RIC3: variants seen among roughly 807,000 people sequenced by gnomAD.
The protein encoded by RIC3 is RIC3 acetylcholine receptor chaperone.
In RIC3, 28 loss-of-function variants were observed where a neutral mutation model predicts 27.3. The observed-to-expected ratio is 1.02, with a 90% CI of 0.76 to 1.41. The LOEUF is 1.41. RIC3 is among the 40% of genes most tolerant of loss of function. RIC3 has a pLI of 0.00. For missense variants in RIC3, 501 were observed against 444.7 expected, an observed-to-expected ratio of 1.13 and a Z score of -1.14; for synonymous variants, 184 against 160.4, an observed-to-expected ratio of 1.15 and a Z score of -1.11.
At chr11:8,149,024 CAAA>C (rs34536745) in intron 1 of RIC3, among the ~76,000 whole-genome samples, 1 of 96,158 alleles carries the variant, frequency 1.0e-5, no homozygotes, top group Non-Finnish European at 2.2e-5. Context: ...ACTAAAAATA[CAAA>C]AAAAAAAAAA....
chr11:8,137,501 T>A, intron 3 of RIC3, 30 bp from the exon 4 acceptor site: 1 of 1,588,900 alleles, frequency 6.3e-7, no homozygotes, highest in South Asian at 1.1e-5. Flanking sequence ...CTAAGAACCA[T>A]CAGAGACAAC....
chr11:8,168,109 T>C (rs145374070), intron 1 of RIC3, among the ~76,000 whole-genome samples: 1 of 152,340 alleles, frequency 6.6e-6, no homozygotes, highest in African/African-American at 2.4e-5. Context: ...AAGTTACCAG[T>C]AGAACTTCAT....
At chr11:8,099,867 TGAA>T in the RIC3 span, among the ~76,000 whole-genome samples, 2 of 152,112 alleles carry the variant, frequency 1.3e-5, no homozygotes, top group Non-Finnish European at 1.5e-5. Flanking sequence ...ATGCCTGGCA[TGAA>T]GAAGGAATGG....
chr11:8,152,564 T>C (rs1231650433), intron 1 of RIC3, among the ~76,000 whole-genome samples: 1 of 152,162 alleles, frequency 6.6e-6, no homozygotes, highest in Non-Finnish European at 1.5e-5. Context: ...AGCTGGGGTT[T>C]GGAGGGGTGC....
intron 4 of RIC3, among the ~76,000 whole-genome samples, chr11:8,129,861 G>A (rs878982398): frequency 6.6e-6 from 1 of 152,108 alleles, no homozygotes; most frequent in Admixed American, 6.5e-5. Flanking sequence ...TTCCAAACCT[G>A]AGCCCTTTGC....
At chr11:8,156,046 C>T (rs1950625112) in intron 1 of RIC3, among the ~76,000 whole-genome samples, 1 of 152,208 alleles carries the variant, frequency 6.6e-6, no homozygotes. Flanking sequence ...CTTTTATCAA[C>T]CTCTCCATTC....
chr11:8,095,443 C>G, the RIC3 span: 1 of 1,546,802 alleles, frequency 6.5e-7, no homozygotes. Context: ...GTCTGAGAAT[C>G]CAGGCCCTCC....
downstream of RIC3, chr11:8,101,477 TG>T (rs757715389): frequency 4.3e-6 from 7 of 1,614,162 alleles, no homozygotes; most frequent in South Asian, 7.7e-5. Flanking sequence ...TGCCTGTGCT[TG>T]GCCCCAGCGG....
the RIC3 span, chr11:8,097,894 G>C: frequency 4.9e-6 from 6 of 1,232,820 alleles, no homozygotes; most frequent in Non-Finnish European, 7.1e-6. Flanking sequence ...GTCTGTAGAG[G>C]GCCTGAATCT....
At chr11:8,142,064 G>A (rs1342327268) in intron 1 of RIC3, among the ~76,000 whole-genome samples, 13 of 149,842 alleles carry the variant, frequency 8.7e-5, no homozygotes, top group East Asian at 2.0e-4. Context: ...AATGCCCACA[G>A]GAGAAAGCAG....
downstream of RIC3, chr11:8,104,699 C>T (rs1944461887): frequency 6.6e-6 from 1 of 152,156 alleles, no homozygotes; most frequent in African/African-American, 2.4e-5. Flanking sequence ...CTCTGCATTG[C>T]CTGAAAAAAC....
At chr11:8,123,831 G>C (rs1488239016) in intron 5 of RIC3, among the ~76,000 whole-genome samples, 3 of 151,680 alleles carry the variant, frequency 2.0e-5, no homozygotes, top group African/African-American at 7.3e-5. Flanking sequence ...TTAAGAGCAG[G>C]AGTTCAAGAC....
At chr11:8,098,718 G>C in the RIC3 span, 1 of 1,459,878 alleles carries the variant, frequency 6.8e-7, no homozygotes, top group African/African-American at 1.4e-5. Flanking sequence ...CTCTGGGGCA[G>C]AGGGTGCATG....
rs1177448703 is a variant in RIC3 at position 8,128,750 on chromosome 11, C to CTTTT, written c.522-1947_522-1944dup. Among the ~76,000 whole-genome samples, 102 of 88,502 alleles carry CTTTT rather than the reference C, an allele frequency of 1.2e-3. 1 individual carries two copies. The highest frequency in any genetic ancestry group is 1.6e-3 in the African/African-American group (34 of 21,804). 58.1% of individuals were successfully genotyped at this position (88,502 alleles called of 152,430 possible). On this transcript the variant is annotated intron_variant, in intron 4 of 5. Transcript: ENST00000309737. ...ATCATTTTATGAAAAGTTGCAAAAA[C>CTTTT]TTTTTTTTTTTTTTTTTTTTTTTTG... is the stretch of plus-strand genomic sequence containing the variant.
At chr11:8,105,369 G>A (rs1373917351), downstream of RIC3, 5 of 152,168 alleles carry the variant, frequency 3.3e-5, no homozygotes, top group Non-Finnish European at 7.3e-5. Flanking sequence ...TGGTCTGTAG[G>A]TTTGTAGTAG....
At chr11:8,146,496 A>G (rs1206672925) in intron 1 of RIC3, among the ~76,000 whole-genome samples, 1 of 152,208 alleles carries the variant, frequency 6.6e-6, no homozygotes, top group Non-Finnish European at 1.5e-5. Flanking sequence ...AATGCTATGA[A>G]CTGAGAACTG....
chr11:8,095,373 C>G, the RIC3 span: 815,443 of 988,636 alleles, frequency 0.82, 340,613 homozygotes, highest in East Asian at 0.87. Flanking sequence ...ATAAAAATCA[C>G]TTTTGCAAAT....
intron 1 of RIC3, among the ~76,000 whole-genome samples, chr11:8,146,088 G>C (rs2134019405): frequency 6.6e-6 from 1 of 152,304 alleles, no homozygotes; most frequent in Middle Eastern, 3.4e-3. Flanking sequence ...AGACTTTATA[G>C]ACCTATGTAA....
intron 5 of RIC3, among the ~76,000 whole-genome samples, chr11:8,119,842 TAAGAA>T (rs1013048790): frequency 3.9e-5 from 6 of 152,028 alleles, no homozygotes; most frequent in Admixed American, 1.3e-4. Context: ...CTCAAATTTA[TAAGAA>T]AAGAACAAAC....
Sources: allele counts gnomAD v4.1 joint callset (sites outside exome capture counted in the v4.1 genomes callset), GRCh38; gene constraint gnomAD v4.1.1; transcripts MANE v1.5; gene names NCBI Gene and HGNC (gene_info 2026-07-23, HGNC 2026-07-21).